Variants in ENKUR observed in about 807,000 individuals in gnomAD.
ENKUR encodes enkurin.
A neutral mutation model predicts 27.6 loss-of-function variants in ENKUR; 19 were observed. The observed-to-expected ratio is 0.69, with a 90% CI of 0.48 to 1.01. The LOEUF is 1.01. Among genes scored for constraint, ENKUR ranks in the 50% least tolerant of loss-of-function variants. The pLI, the probability that ENKUR is intolerant of heterozygous loss-of-function variation, is 0.00. For missense variants in ENKUR, 312 were observed against 310.5 expected, an observed-to-expected ratio of 1.00 and a Z score of -0.04; for synonymous variants, 117 against 96.9, an observed-to-expected ratio of 1.21 and a Z score of -1.22.
At chr10:25,049,318 T>C (rs1284202669) in intron 2 of ENKUR, among the ~76,000 whole-genome samples, 1 of 152,098 alleles carries the variant, frequency 6.6e-6, no homozygotes, top group Non-Finnish European at 1.5e-5. Flanking sequence ...GAAACTGTGA[T>C]AAACAAAATG....
In ENKUR at chr10:25,024,515, T is replaced by C. The variant is rs1554772676; in HGVS notation, c.38-28646A>G. On this transcript the variant is annotated intron_variant, in intron 2 of 5. Transcript: ENST00000615958. Reference sequence around the variant, plus strand: ...AGTCAGAGAGAAAATGGATGGGCAGTGGGTGTTGAGTCAGATTTTGATTTT... The same window carrying C: ...AGTCAGAGAGAAAATGGATGGGCAGCGGGTGTTGAGTCAGATTTTGATTTT... 2.5e-6 allele frequency: 4 copies of C among 1,614,184 alleles called. No individual in the cohort carries two copies. The East Asian group carries it at 8.9e-5, about 36-fold the overall frequency.
intron 2 of ENKUR, chr10:25,025,688 T>G: frequency 2.1e-6 from 1 of 475,332 alleles, no homozygotes; most frequent in Non-Finnish European, 3.8e-6. Context: ...GCTATCATAC[T>G]TTTGCCTTCT....
chr10:24,990,379 C>T (rs1849898720), intron 4 of ENKUR, 84 bp downstream of exon 4: 1 of 1,498,188 alleles, frequency 6.7e-7, no homozygotes, highest in South Asian at 1.4e-5. Flanking sequence ...CAAGTGCTGA[C>T]TTTAATCATC....
intron 2 of ENKUR, among the ~76,000 whole-genome samples, chr10:25,049,966 A>G (rs1851167344): frequency 6.6e-6 from 1 of 152,196 alleles, no homozygotes; most frequent in African/African-American, 2.4e-5. Context: ...TACAAGCAGC[A>G]TGGTGTCAGC....
At chr10:24,999,282 T>C in intron 2 of ENKUR, 119 bp downstream of exon 2, 1 of 986,756 alleles carries the variant, frequency 1.0e-6, no homozygotes, top group Non-Finnish European at 1.5e-6. Flanking sequence ...TCAAATTCTG[T>C]TTAATATGAG....
At chr10:25,046,541 C>T (rs1202848194) in intron 2 of ENKUR, among the ~76,000 whole-genome samples, 1 of 152,208 alleles carries the variant, frequency 6.6e-6, no homozygotes, top group African/African-American at 2.4e-5. Flanking sequence ...GGCTTTATCA[C>T]CAGCGTCAAG....
intron 2 of ENKUR, among the ~76,000 whole-genome samples, chr10:25,034,700 T>C (rs188664639): frequency 3.3e-5 from 5 of 152,334 alleles, no homozygotes; most frequent in African/African-American, 9.6e-5. Flanking sequence ...ATTCCACATA[T>C]GTGTAGGATT....
At chr10:25,021,258 CTT>C (rs529346944) in intron 2 of ENKUR, among the ~76,000 whole-genome samples, 3 of 152,218 alleles carry the variant, frequency 2.0e-5, no homozygotes, top group East Asian at 1.9e-4. Context: ...ATTATAGACA[CTT>C]ATATAGCTAA....
At chr10:25,011,996 T>A (rs947053377) in intron 1 of ENKUR, among the ~76,000 whole-genome samples, 25 of 152,192 alleles carry the variant, frequency 1.6e-4, no homozygotes, top group African/African-American at 6.0e-4. Context: ...CCCAGGGCCT[T>A]GCTGCTTTGT....
At position 24,990,533 on chromosome 10, in the gene ENKUR, T is replaced by C; in HGVS notation, c.524A>G (p.Tyr175Cys). The C allele has an allele frequency of 6.2e-7, 1 of 1,614,110 alleles. No individual in the cohort carries two copies. The highest frequency in any genetic ancestry group is 8.5e-7 in the Non-Finnish European group (1 of 1,180,006). The part of the protein sequence containing the change: ...IKKAQEDYDR[Y>C]IQENLKKAAM... ...TGCTTTCTTAAGGTTTTCCTGGATA[T>C]AACGATCATAGTCTTCTTGGGCTTT... is the stretch of plus-strand genomic sequence containing the variant. The change falls in exon 4 of 6, where the codon TAT (tyrosine) becomes TGT (cysteine). Residue 175 changes from tyrosine (Y) to cysteine (C), a missense_variant. Transcript: ENST00000331161.
chr10:25,007,268 T>C (rs181981587), intron 1 of ENKUR, among the ~76,000 whole-genome samples: 1 of 152,310 alleles, frequency 6.6e-6, no homozygotes, highest in Non-Finnish European at 1.5e-5. Flanking sequence ...AGTCTAACGT[T>C]CACAAAAGCT....
chr10:25,000,249 C>G (rs1850156443), intron 1 of ENKUR, among the ~76,000 whole-genome samples: 1 of 152,070 alleles, frequency 6.6e-6, no homozygotes, highest in Admixed American at 6.6e-5. Context: ...AAAGTATGTT[C>G]TATTTTAGTA....
At chr10:25,017,864 GTATGTAC>G (rs1269014299), upstream of ENKUR, among the ~76,000 whole-genome samples, 1 of 152,150 alleles carries the variant, frequency 6.6e-6, no homozygotes, top group Non-Finnish European at 1.5e-5. Context: ...GAAACCTCCT[GTATGTAC>G]GAAGATTCGA....
chr10:25,054,801 C>A (rs1380456442), intron 2 of ENKUR, among the ~76,000 whole-genome samples: 2 of 151,818 alleles, frequency 1.3e-5, no homozygotes, highest in Admixed American at 6.6e-5. Flanking sequence ...CTCAGCCCCC[C>A]TCATAGCTGG....
At chr10:25,023,144 G>C (rs959743209) in intron 2 of ENKUR, 6 of 1,388,726 alleles carry the variant, frequency 4.3e-6, no homozygotes, top group Non-Finnish European at 4.9e-6. Context: ...ATTATCTTTT[G>C]TTGTTTTTTG....
intron 2 of ENKUR, among the ~76,000 whole-genome samples, chr10:25,040,351 C>G (rs2130469887): frequency 6.6e-6 from 1 of 151,570 alleles, no homozygotes; most frequent in South Asian, 2.1e-4. Flanking sequence ...AAACACTCTA[C>G]CACAGGTATA....
intron 2 of ENKUR, chr10:25,023,200 C>A: frequency 6.3e-7 from 1 of 1,584,332 alleles, no homozygotes. Flanking sequence ...TTTAGGTTGG[C>A]TTGGGCAGAA....
chr10:24,996,737 C>T (rs1850068764), intron 2 of ENKUR, among the ~76,000 whole-genome samples: 1 of 152,102 alleles, frequency 6.6e-6, no homozygotes, highest in Non-Finnish European at 1.5e-5. Context: ...GTTTATATAA[C>T]TTTTATTATC....
At chr10:24,998,877 C>T (rs529385367) in intron 2 of ENKUR, among the ~76,000 whole-genome samples, 4 of 152,294 alleles carry the variant, frequency 2.6e-5, no homozygotes, top group Admixed American at 1.3e-4. Context: ...TAAGCTGGTT[C>T]TACCACTTAT....
Sources: allele counts gnomAD v4.1 joint callset (sites outside exome capture counted in the v4.1 genomes callset), GRCh38; gene constraint gnomAD v4.1.1; transcripts MANE v1.5; gene names NCBI Gene and HGNC (gene_info 2026-07-23, HGNC 2026-07-21).